The following SPACA7 variants were observed in gnomAD, a reference collection of about 807,000 sequenced individuals.
The protein encoded by SPACA7 is sperm acrosome-associated protein 7.
In SPACA7, 19 loss-of-function variants were observed where a neutral mutation model predicts 26.3. The ratio of observed to expected loss-of-function variants is 0.72; its 90% CI spans 0.50 to 1.06. SPACA7 has a LOEUF of 1.06. Among genes scored for constraint, SPACA7 ranks in the 50% least tolerant of loss-of-function variants. The pLI, the probability that SPACA7 is intolerant of heterozygous loss-of-function variation, is 0.00. For missense variants in SPACA7, 211 were observed against 229.9 expected, an observed-to-expected ratio of 0.92 and a Z score of 0.53; for synonymous variants, 84 against 84.5, an observed-to-expected ratio of 0.99 and a Z score of 0.04.
chr13:112,404,944 T>A (rs1885878247), intron 5 of SPACA7, among the ~76,000 whole-genome samples: 1 of 151,874 alleles, frequency 6.6e-6, no homozygotes, highest in South Asian at 2.1e-4. Context: ...AATCCAGTGT[T>A]TTGATATACT....
intron 5 of SPACA7, among the ~76,000 whole-genome samples, chr13:112,423,901 C>T (rs1462762434): frequency 3.3e-5 from 5 of 152,210 alleles, no homozygotes; most frequent in Non-Finnish European, 5.9e-5. Flanking sequence ...CAAATCATAT[C>T]TTCAAACGAT....
At chr13:112,419,427 T>TGTCCC (rs1886883930) in intron 5 of SPACA7, among the ~76,000 whole-genome samples, 1 of 152,114 alleles carries the variant, frequency 6.6e-6, no homozygotes, top group Non-Finnish European at 1.5e-5. Flanking sequence ...TAGGGAATGA[T>TGTCCC]CACCCACAGC....
chr13:112,420,710 A>G (rs1875865091), intron 5 of SPACA7, among the ~76,000 whole-genome samples: 1 of 152,128 alleles, frequency 6.6e-6, no homozygotes, highest in Admixed American at 6.6e-5. Flanking sequence ...CTACCGATCC[A>G]AGTATCTCAG....
intron 2 of SPACA7, among the ~76,000 whole-genome samples, chr13:112,395,657 A>G (rs147028806): frequency 0.014 from 2,119 of 152,168 alleles, 45 homozygotes; most frequent in African/African-American, 0.049. Context: ...TTTTAGTAGG[A>G]CAGGGTTTCA....
chr13:112,383,304 CA>C (rs1190985457), intron 1 of SPACA7, among the ~76,000 whole-genome samples: 1 of 151,672 alleles, frequency 6.6e-6, no homozygotes, highest in Non-Finnish European at 1.5e-5. Context: ...CTAAACTGCC[CA>C]AAAAAACCTT....
rs1366856238 is a variant in SPACA7 at position 112,432,454 on chromosome 13, A to G, written c.456A>G (p.Ser152=). The G allele has an allele frequency of 6.2e-7, 1 of 1,608,826 alleles. No homozygotes were observed. The highest frequency in any genetic ancestry group is 2.2e-5 in the East Asian group (1 of 44,856). The stretch of plus-strand genomic sequence containing the variant: ...TTGTTTTCCCCACAGAAAAGAATTC[A>G]AAGAACACTCAGTATGAAAATCTAT... ...EKSVSSKEKN[S]KNTQYENLSI... Residue 152 remains serine, a synonymous_variant, in exon 6 of 7, where the codon TCA becomes TCG. Coordinates refer to ENST00000283550, the MANE Select transcript of SPACA7 (RefSeq NM_145248.5).
chr13:112,426,191 T>G (rs1445722454), intron 5 of SPACA7, among the ~76,000 whole-genome samples: 1 of 152,264 alleles, frequency 6.6e-6, no homozygotes, highest in African/African-American at 2.4e-5. Flanking sequence ...CTTTCTCTCT[T>G]GAGTTGCCTT....
chr13:112,387,038 C>T (rs577506930), intron 1 of SPACA7, among the ~76,000 whole-genome samples: 13 of 152,310 alleles, frequency 8.5e-5, no homozygotes, highest in African/African-American at 3.1e-4. Context: ...GGAATCATTA[C>T]AGAAACCAAG....
At chr13:112,428,879 T>A (rs1356214071) in intron 5 of SPACA7, among the ~76,000 whole-genome samples, 1 of 152,212 alleles carries the variant, frequency 6.6e-6, no homozygotes, top group Non-Finnish European at 1.5e-5. Flanking sequence ...AGTAGACTTG[T>A]TCAACTCTTC....
At chr13:112,430,143 A>G (rs1876928408) in intron 5 of SPACA7, among the ~76,000 whole-genome samples, 1 of 148,698 alleles carries the variant, frequency 6.7e-6, no homozygotes, top group Non-Finnish European at 1.5e-5. Flanking sequence ...TAATCAGCTG[A>G]AGGCTCAAGG....
At chr13:112,403,527 G>A (rs546642443) in intron 5 of SPACA7, among the ~76,000 whole-genome samples, 124 of 152,046 alleles carry the variant, frequency 8.2e-4, no homozygotes, top group African/African-American at 2.8e-3. Flanking sequence ...CCCATCATCC[G>A]AACAGTACAC....
Position 112,379,197 on chromosome 13 carries a change from C to T in SPACA7, c.94+2718C>T, listed in dbSNP as rs117088317. On this transcript the variant is annotated intron_variant, in intron 1 of 6. Coordinates refer to ENST00000283550, the MANE Select transcript of SPACA7 (RefSeq NM_145248.5). ...TCTTGGGTTAGCAGGTTTACAAATC[C>T]GTCAATGTCTCCCTGAGTTCTGGAA... is the stretch of plus-strand genomic sequence containing the variant. Among the ~76,000 whole-genome samples the T allele has an allele frequency of 4.1e-4, 63 of 152,190 alleles. No homozygotes were observed. In the East Asian group the frequency reaches 7.5e-3, roughly 18 times the overall value.
intron 5 of SPACA7, among the ~76,000 whole-genome samples, chr13:112,428,857 T>A (rs1876796000): frequency 6.6e-6 from 1 of 152,210 alleles, no homozygotes. Context: ...GTCAATTAGA[T>A]CAAGTATGCT....
intron 2 of SPACA7, among the ~76,000 whole-genome samples, chr13:112,395,326 T>G (rs1185066963): frequency 6.6e-6 from 1 of 152,240 alleles, no homozygotes; most frequent in Non-Finnish European, 1.5e-5. Flanking sequence ...GATGCATTCC[T>G]GGCCCTCTGG....
chr13:112,403,861 T>C (rs1047033692), intron 5 of SPACA7, among the ~76,000 whole-genome samples: 1 of 152,248 alleles, frequency 6.6e-6, no homozygotes, highest in Non-Finnish European at 1.5e-5. Context: ...TTTTTGCAAT[T>C]GCAAATTGTG....
intron 6 of SPACA7, among the ~76,000 whole-genome samples, chr13:112,434,059 G>T (rs1877482540): frequency 6.6e-6 from 1 of 152,150 alleles, no homozygotes; most frequent in African/African-American, 2.4e-5. Flanking sequence ...GTCGGCAACA[G>T]AAGCCCTGGA....
chr13:112,387,783 T>A (rs945022847), intron 1 of SPACA7, among the ~76,000 whole-genome samples: 1 of 152,184 alleles, frequency 6.6e-6, no homozygotes, highest in African/African-American at 2.4e-5. Context: ...GCAAGATTCT[T>A]AATTTGCAAG....
intron 6 of SPACA7, among the ~76,000 whole-genome samples, 163 bp from the exon 7 acceptor site, chr13:112,434,322 C>A (rs1877516957): frequency 6.6e-6 from 1 of 152,178 alleles, no homozygotes; most frequent in Admixed American, 6.5e-5. Flanking sequence ...GCCAGTGCCC[C>A]CCTCCCGGTC....
At chr13:112,382,223 G>A (rs1055219951) in intron 1 of SPACA7, 1 of 507,286 alleles carries the variant, frequency 2.0e-6, no homozygotes, top group African/African-American at 1.9e-5. Context: ...TCTCCCTTTG[G>A]GTTTTATAGC....
Sources: allele counts gnomAD v4.1 joint callset (sites outside exome capture counted in the v4.1 genomes callset), GRCh38; gene constraint gnomAD v4.1.1; transcripts MANE v1.5; gene names NCBI Gene and HGNC (gene_info 2026-07-23, HGNC 2026-07-21).